The following RGS20 variants were observed in gnomAD, a reference collection of about 807,000 sequenced individuals.
RGS20 encodes the protein gz-selective GTPase-activating protein.
In RGS20, 30 loss-of-function variants were observed where a neutral mutation model predicts 33.6. The ratio of observed to expected loss-of-function variants is 0.89; its 90% CI spans 0.67 to 1.21. The LOEUF is 1.21. Ranked by LOEUF, RGS20 falls within the 50% of genes most tolerant of loss-of-function variation. The probability of loss-of-function intolerance (pLI) is 0.00; values close to 1 mark genes in which losing one functional copy is unlikely to be tolerated. For missense variants in RGS20, 472 were observed against 502.4 expected (o/e 0.94, Z 0.58); for synonymous variants, 208 against 197.9 (o/e 1.05, Z -0.43).
intron 2 of RGS20, among the ~76,000 whole-genome samples, chr8:53,937,406 A>G (rs78776678): frequency 0.05 from 7,533 of 152,082 alleles, 478 homozygotes; most frequent in African/African-American, 0.15. Flanking sequence ...AGACTTAGAC[A>G]TAAGACCTAA....
intron 2 of RGS20, among the ~76,000 whole-genome samples, chr8:53,912,264 C>A (rs1202022407): frequency 6.6e-6 from 1 of 151,948 alleles, no homozygotes; most frequent in Non-Finnish European, 1.5e-5. Context: ...GATGGAATAA[C>A]TTCTCTAAGC....
At chr8:53,892,511 A>G (rs1382376926) in intron 2 of RGS20, among the ~76,000 whole-genome samples, 3 of 152,380 alleles carry the variant, frequency 2.0e-5, no homozygotes, top group Admixed American at 6.5e-5. Context: ...CCAAAGGACT[A>G]TAAATCATGC....
In RGS20 at chr8:53,905,980, C is replaced by T. The variant is rs558009276; in HGVS notation, c.510+26378C>T. The stretch of plus-strand genomic sequence containing the variant: ...GGCTTTTCCATCCTTTTCCTCCTCC[C>T]GTTCATTCGACTTCCAGTTCTGTCT... On this transcript the variant is annotated intron_variant, in intron 2 of 5. Transcript: ENST00000297313. Among the ~76,000 whole-genome samples, 5 of 152,140 alleles carry T rather than the reference C, an allele frequency of 3.3e-5. No homozygotes were observed. In the South Asian group the frequency reaches 6.2e-4, roughly 19 times the overall value.
chr8:53,909,211 A>ATGTGTGTG (rs1397698862), intron 2 of RGS20, among the ~76,000 whole-genome samples: 11 of 9,906 alleles, frequency 1.1e-3, no homozygotes, highest in African/African-American at 2.9e-3. Flanking sequence ...GTATGTGTGT[A>ATGTGTGTG]TATATATATA....
At chr8:53,897,414 AG>A (rs1187156351) in intron 2 of RGS20, among the ~76,000 whole-genome samples, 2 of 152,212 alleles carry the variant, frequency 1.3e-5, no homozygotes, top group African/African-American at 4.8e-5. Flanking sequence ...CTAATAATTT[AG>A]GGGCAATGGT....
At position 53,946,729 on chromosome 8, in the gene RGS20, C is replaced by A. The variant is rs771809833; in HGVS notation, c.724C>A (p.Leu242Ile). ...AGCTTCCCACGAACTCAGAGCAGAT[C>A]TTCCAACCTGGGAAGAAAGGTGAAA... Residue 242 changes from leucine (L) to isoleucine (I), a missense_variant, in exon 4 of 6, where the codon CTT (leucine) becomes ATT (isoleucine). Around this residue, in one of 3 missense-constraint regions of RGS20, gnomAD observed 319 missense variants for 283.4 expected, o/e 1.13. Coordinates refer to ENST00000297313, the MANE Select transcript of RGS20 (RefSeq NM_170587.4). The A allele has an allele frequency of 6.2e-7, 1 of 1,612,818 alleles. No individual in the cohort carries two copies. The highest frequency in any genetic ancestry group is 1.7e-5 in the Admixed American group (1 of 59,814).
At chr8:53,913,781 A>G (rs1389000833) in intron 2 of RGS20, 1 of 152,442 alleles carries the variant, frequency 6.6e-6, no homozygotes, top group Non-Finnish European at 1.5e-5. Context: ...AGCCTCCAGA[A>G]CTGTGCAAGA....
chr8:53,954,726 C>T (rs1281781443), intron 5 of RGS20, among the ~76,000 whole-genome samples: 25 of 144,986 alleles, frequency 1.7e-4, no homozygotes, highest in African/African-American at 6.4e-4. Flanking sequence ...CTCACTCTGT[C>T]GCCCAGGCTG....
intron 5 of RGS20, among the ~76,000 whole-genome samples, chr8:53,955,195 C>A (rs994543515): frequency 4.0e-5 from 6 of 150,680 alleles, no homozygotes; most frequent in Admixed American, 4.0e-4. Context: ...TTTCAGATCA[C>A]TTTGACTGTG....
intron 2 of RGS20, among the ~76,000 whole-genome samples, chr8:53,939,352 T>A (rs909121108): frequency 6.6e-6 from 1 of 152,228 alleles, no homozygotes; most frequent in Non-Finnish European, 1.5e-5. Flanking sequence ...TGCTAGTTTA[T>A]CCCTGGAATG....
chr8:53,886,024 G>A (rs1489912493), intron 2 of RGS20, among the ~76,000 whole-genome samples: 1 of 152,082 alleles, frequency 6.6e-6, no homozygotes, highest in Non-Finnish European at 1.5e-5. Context: ...TGTCCAATTG[G>A]GAATATTTCA....
chr8:53,867,016 G>A (rs1811936747), intron 1 of RGS20, among the ~76,000 whole-genome samples: 1 of 152,136 alleles, frequency 6.6e-6, no homozygotes, highest in East Asian at 1.9e-4. Context: ...AAGCCCTAGA[G>A]ACCATCTTCG....
intron 2 of RGS20, among the ~76,000 whole-genome samples, chr8:53,904,000 A>G (rs1250886385): frequency 6.6e-6 from 1 of 152,166 alleles, no homozygotes; most frequent in Non-Finnish European, 1.5e-5. Context: ...TGCCTTTGCC[A>G]GGAGTTAGGA....
chr8:53,897,633 C>G (rs1812904550), intron 2 of RGS20, among the ~76,000 whole-genome samples: 1 of 152,182 alleles, frequency 6.6e-6, no homozygotes, highest in Admixed American at 6.6e-5. Flanking sequence ...AGCCTCTTTA[C>G]TAATCTTCCT....
intron 1 of RGS20, among the ~76,000 whole-genome samples, chr8:53,869,371 A>T (rs1812001424): frequency 6.6e-6 from 1 of 152,190 alleles, no homozygotes; most frequent in African/African-American, 2.4e-5. Flanking sequence ...TTTATTTATT[A>T]GAACATTCAA....
At chr8:53,926,578 A>G (rs1247874793) in intron 2 of RGS20, among the ~76,000 whole-genome samples, 1 of 152,218 alleles carries the variant, frequency 6.6e-6, no homozygotes, top group Non-Finnish European at 1.5e-5. Context: ...TAACTATTAA[A>G]GGAATCTGGC....
At chr8:53,919,372 T>G (rs1293940438) in intron 2 of RGS20, among the ~76,000 whole-genome samples, 2 of 151,380 alleles carry the variant, frequency 1.3e-5, no homozygotes, top group Non-Finnish European at 2.9e-5. Flanking sequence ...GAGACAGTCT[T>G]GCTCTGTCAC....
At chr8:53,932,454 C>T (rs1352881268) in intron 2 of RGS20, among the ~76,000 whole-genome samples, 1 of 152,120 alleles carries the variant, frequency 6.6e-6, no homozygotes, top group Non-Finnish European at 1.5e-5. Flanking sequence ...GGGGCGTCCA[C>T]CATTAATGAG....
rs113848798 is a variant in RGS20 at position 53,926,916 on chromosome 8, AAAAG to A, written c.511-12645_511-12642del. On this transcript the variant is annotated intron_variant, in intron 2 of 5. Transcript: ENST00000297313. ...TGACAGAGCAAGACTCCATCTCAAA[AAAAG>A]AAAGAAAGAAAGAACCTCTCTGAGA... is the stretch of plus-strand genomic sequence containing the variant. Among the ~76,000 whole-genome samples, 5 of 152,166 alleles carry A rather than the reference AAAAG, an allele frequency of 3.3e-5. No individual in the cohort carries two copies. In the East Asian group the frequency reaches 5.8e-4, roughly 18 times the overall value.
Sources: allele counts gnomAD v4.1 joint callset (sites outside exome capture counted in the v4.1 genomes callset), GRCh38; gene constraint gnomAD v4.1.1; regional missense constraint gnomAD v4.1.1; transcripts MANE v1.5; gene names NCBI Gene and HGNC (gene_info 2026-07-23, HGNC 2026-07-21).